TFAP2D: variants seen among roughly 807,000 people sequenced by gnomAD.
TFAP2D encodes transcription factor AP-2 delta.
A neutral mutation model predicts 43.6 loss-of-function variants in TFAP2D; 9 were observed. The ratio of observed to expected loss-of-function variants is 0.21; its 90% confidence interval spans 0.12 to 0.36. The LOEUF (loss-of-function observed/expected upper bound fraction) is 0.36, where lower values mean the gene tolerates loss of function less well. Among genes scored for constraint, TFAP2D ranks in the 10% least tolerant of loss-of-function variants. The probability of loss-of-function intolerance (pLI) is 1.00; values close to 1 mark genes in which losing one functional copy is unlikely to be tolerated. For synonymous variants in TFAP2D, 256 were observed against 224.9 expected (o/e 1.14, Z -1.24); for missense variants, 513 against 561.4 (o/e 0.91, Z 0.87).
chr6:50,761,570 T>A (rs1769364975), intron 7 of TFAP2D, among the ~76,000 whole-genome samples: 1 of 152,172 alleles, frequency 6.6e-6, no homozygotes, highest in Middle Eastern at 3.4e-3. Context: ...CAGGCGCAAC[T>A]CTTGCCAAGA....
chr6:50,769,406 T>G (rs751731552), intron 7 of TFAP2D, among the ~76,000 whole-genome samples: 36 of 152,164 alleles, frequency 2.4e-4, no homozygotes, highest in Non-Finnish European at 4.7e-4. Context: ...GTACACTTGG[T>G]TCTCAATCCA....
intron 6 of TFAP2D, among the ~76,000 whole-genome samples, chr6:50,750,834 A>G (rs1309234478): frequency 2.0e-5 from 3 of 152,064 alleles, no homozygotes; most frequent in Non-Finnish European, 1.5e-5. Flanking sequence ...TGTAACTTTA[A>G]TTAAATTTGT....
chr6:50,735,418 GA>G (rs1013936110), intron 5 of TFAP2D, among the ~76,000 whole-genome samples: 16 of 152,146 alleles, frequency 1.1e-4, no homozygotes, highest in African/African-American at 3.6e-4. Flanking sequence ...CTCCTGCTAG[GA>G]ACCCTGAACA....
chr6:50,743,257 T>C (rs1769078545), intron 5 of TFAP2D, among the ~76,000 whole-genome samples: 2 of 152,230 alleles, frequency 1.3e-5, no homozygotes, highest in Non-Finnish European at 2.9e-5. Context: ...ACCGCACTAA[T>C]ATGTTTGCTT....
chr6:50,719,538 A>G (rs1768686618), intron 3 of TFAP2D, among the ~76,000 whole-genome samples: 1 of 152,056 alleles, frequency 6.6e-6, no homozygotes, highest in Admixed American at 6.6e-5. Flanking sequence ...CACTAATACC[A>G]CATCCTCCAG....
chr6:50,727,893 G>A (rs1768831820), intron 3 of TFAP2D, among the ~76,000 whole-genome samples: 1 of 152,160 alleles, frequency 6.6e-6, no homozygotes. Flanking sequence ...GGAGGAATTG[G>A]ACAGTGGGAA....
intron 7 of TFAP2D, among the ~76,000 whole-genome samples, chr6:50,769,405 G>A (rs1437052170): frequency 6.6e-6 from 1 of 152,150 alleles, no homozygotes; most frequent in African/African-American, 2.4e-5. Context: ...GGTACACTTG[G>A]TTCTCAATCC....
chr6:50,717,503 CT>C (rs778805409), intron 2 of TFAP2D, among the ~76,000 whole-genome samples: 4 of 152,198 alleles, frequency 2.6e-5, no homozygotes, highest in Non-Finnish European at 5.9e-5. Flanking sequence ...ATTTTGAAAG[CT>C]TTTCTTCAGC....
Position 50,715,475 on chromosome 6 carries a change from G to A in TFAP2D, c.399G>A (p.Glu133=), listed in dbSNP as rs577826394. The A allele has an allele frequency of 3.7e-6, 6 of 1,613,992 alleles. No homozygotes were observed. The highest frequency in any genetic ancestry group is 1.1e-5 in the South Asian group (1 of 91,082). Reference sequence around the variant, plus strand: ...CCTGCCTGGACGAGCAGAGGCGGGAGCTGGGCTGCCTCGATGCCTACCGCC... The same window carrying A: ...CCTGCCTGGACGAGCAGAGGCGGGAACTGGGCTGCCTCGATGCCTACCGCC... The part of the protein sequence containing the change: ...KSSCLDEQRR[E]LGCLDAYRRH... Residue 133 remains glutamate (E), a synonymous_variant, in exon 2 of 8, where the codon GAG becomes GAA. Coordinates refer to ENST00000008391, the MANE Select transcript of TFAP2D (RefSeq NM_172238.4).
At chr6:50,743,265 C>T (rs1417162388) in intron 5 of TFAP2D, among the ~76,000 whole-genome samples, 22 of 152,124 alleles carry the variant, frequency 1.4e-4, no homozygotes, top group African/African-American at 2.4e-5. Flanking sequence ...AATATGTTTG[C>T]TTATTGCAAT....
intron 7 of TFAP2D, among the ~76,000 whole-genome samples, chr6:50,761,203 A>G (rs1041788728): frequency 1.3e-5 from 2 of 149,820 alleles, no homozygotes; most frequent in African/African-American, 4.9e-5. Flanking sequence ...AATAACCCAA[A>G]CACCATTTCA....
chr6:50,750,357 T>G (rs1769184139), intron 6 of TFAP2D, among the ~76,000 whole-genome samples: 1 of 152,002 alleles, frequency 6.6e-6, no homozygotes, highest in Non-Finnish European at 1.5e-5. Context: ...TGGAGTCACC[T>G]CACTTTAGAT....
intron 3 of TFAP2D, among the ~76,000 whole-genome samples, chr6:50,727,657 A>G (rs992632998): frequency 2.0e-5 from 3 of 152,092 alleles, no homozygotes; most frequent in African/African-American, 7.2e-5. Context: ...CTTTTTTAAA[A>G]CCTCTTTTCT....
intron 7 of TFAP2D, among the ~76,000 whole-genome samples, chr6:50,752,855 T>C (rs1204629344): frequency 6.6e-6 from 1 of 151,866 alleles, no homozygotes; most frequent in African/African-American, 2.4e-5. Context: ...TGAGCCCTTA[T>C]ATATGTAAGC....
intron 5 of TFAP2D, among the ~76,000 whole-genome samples, chr6:50,741,874 G>A (rs568831004): frequency 6.6e-6 from 1 of 152,132 alleles, no homozygotes; most frequent in Admixed American, 6.5e-5. Flanking sequence ...ACATCCTGGG[G>A]CTTTCCTGGA....
intron 3 of TFAP2D, among the ~76,000 whole-genome samples, chr6:50,719,820 T>C (rs932699925): frequency 2.6e-5 from 4 of 152,124 alleles, no homozygotes; most frequent in African/African-American, 9.7e-5. Context: ...AACATCTGAA[T>C]CCAGAGTTAC....
chr6:50,744,692 A>G (rs1484863211), intron 5 of TFAP2D, among the ~76,000 whole-genome samples: 1 of 152,140 alleles, frequency 6.6e-6, no homozygotes, highest in Non-Finnish European at 1.5e-5. Flanking sequence ...CATGGAAAAA[A>G]CATCTGAATA....
In TFAP2D at chr6:50,714,101, T is replaced by C. The variant is rs1768572936; in HGVS notation, c.39+7T>C. Reference sequence around the variant, plus strand: ...ACTAGTCCACGATGCCGAGGTATTATTACTTTTTTTTTTTTTTTTTTTTGA... The same window carrying C: ...ACTAGTCCACGATGCCGAGGTATTACTACTTTTTTTTTTTTTTTTTTTTGA... On this transcript the variant is annotated splice_region_variant and intron_variant, in intron 1 of 7. Coordinates refer to ENST00000008391, the MANE Select transcript of TFAP2D (RefSeq NM_172238.4). The C allele has an allele frequency of 6.3e-7, 1 of 1,587,494 alleles. No individual in the cohort carries two copies.
At chr6:50,764,523 T>C (rs946520988) in intron 7 of TFAP2D, among the ~76,000 whole-genome samples, 2 of 152,168 alleles carry the variant, frequency 1.3e-5, no homozygotes, top group Non-Finnish European at 2.9e-5. Flanking sequence ...AATATATCCA[T>C]GCAATGAAAC....
Sources: allele counts gnomAD v4.1 joint callset (sites outside exome capture counted in the v4.1 genomes callset), GRCh38; gene constraint gnomAD v4.1.1; transcripts MANE v1.5; gene names NCBI Gene and HGNC (gene_info 2026-07-23, HGNC 2026-07-21).